XKR6: variants seen among roughly 807,000 people sequenced by gnomAD.
XKR6 encodes the protein XK-related protein 6.
In XKR6, 22 loss-of-function variants were observed where a neutral mutation model predicts 56.7. The observed-to-expected ratio is 0.39, with a 90% CI of 0.28 to 0.55. The LOEUF (loss-of-function observed/expected upper bound fraction) is 0.55, where lower values mean the gene tolerates loss of function less well. Among genes scored for constraint, XKR6 ranks in the 20% least tolerant of loss-of-function variants. The pLI, the probability that XKR6 is intolerant of heterozygous loss-of-function variation, is 0.66. For synonymous variants in XKR6, 524 were observed against 387.8 expected (o/e 1.35, Z -4.13); for missense variants, 852 against 889.0 (o/e 0.96, Z 0.53).
At position 10,947,459 on chromosome 8, in the gene XKR6, G is replaced by C. The variant is rs540842297; in HGVS notation, c.765-22629C>G. Among the ~76,000 whole-genome samples the C allele has an allele frequency of 3.9e-4, 60 of 152,210 alleles. No individual in the cohort carries two copies. The South Asian group carries it at 4.8e-3, about 12-fold the overall frequency. On this transcript the variant is annotated intron_variant, in intron 1 of 2. Coordinates refer to ENST00000416569, the MANE Select transcript of XKR6 (RefSeq NM_173683.4). ...TGGGGGCATGGTTGGGGTCACCCTG[G>C]GGGATCGAGGGAGAGCAGCCCAGGA...
intron 1 of XKR6, among the ~76,000 whole-genome samples, chr8:10,950,939 G>C (rs1801699873): frequency 6.6e-6 from 1 of 152,232 alleles, no homozygotes; most frequent in Non-Finnish European, 1.5e-5. Flanking sequence ...GAGACGGCGA[G>C]TTACTTGCCC....
intron 1 of XKR6, among the ~76,000 whole-genome samples, chr8:11,075,728 C>A (rs1356121828): frequency 6.6e-6 from 1 of 152,134 alleles, no homozygotes; most frequent in African/African-American, 2.4e-5. Flanking sequence ...CAAAAATTAG[C>A]TGGGTGTGGT....
intron 1 of XKR6, chr8:11,062,824 A>G (rs564489439): frequency 2.2e-6 from 1 of 456,280 alleles, no homozygotes; most frequent in East Asian, 6.9e-5. Context: ...CTCGGCAATC[A>G]GCGTGGCCGT....
At chr8:11,112,417 G>C (rs1237524682) in intron 1 of XKR6, among the ~76,000 whole-genome samples, 1 of 145,142 alleles carries the variant, frequency 6.9e-6, no homozygotes, top group Non-Finnish European at 1.5e-5. Context: ...TTTTGAAAAA[G>C]AAAAAAAAAC....
At chr8:11,009,349 A>T (rs1272123257) in intron 1 of XKR6, among the ~76,000 whole-genome samples, 1 of 152,140 alleles carries the variant, frequency 6.6e-6, no homozygotes, top group Non-Finnish European at 1.5e-5. Flanking sequence ...TGTCTTTACA[A>T]AAAATACAAA....
chr8:11,168,063 A>T (rs548006348), intron 1 of XKR6, among the ~76,000 whole-genome samples: 7 of 152,204 alleles, frequency 4.6e-5, no homozygotes, highest in Non-Finnish European at 8.8e-5. Flanking sequence ...CAACAAAAAA[A>T]GCAAACCTCG....
intron 2 of XKR6, among the ~76,000 whole-genome samples, chr8:10,922,138 G>C (rs1036147638): frequency 6.6e-6 from 1 of 152,238 alleles, no homozygotes; most frequent in Non-Finnish European, 1.5e-5. Flanking sequence ...AGAACTGGGA[G>C]AAAATAAATC....
At chr8:11,090,020 A>C (rs1798013833) in intron 1 of XKR6, among the ~76,000 whole-genome samples, 1 of 152,220 alleles carries the variant, frequency 6.6e-6, no homozygotes, top group Non-Finnish European at 1.5e-5. Flanking sequence ...GATGACACAA[A>C]TGTGGCTTTA....
rs200086321 is a variant in XKR6, at chr8:10,898,214, G to A, written c.1664C>T (p.Thr555Met). ...RAVTEQQEDL[T>M]ADTCLPVFQV... ...GAAAACAGGCAAGCAAGTGTCAGCC[G>A]TGAGATCCTCCTGTTGTTCCGTTAC... The change falls in exon 3 of 3, where the codon ACG (threonine) becomes ATG (methionine). Residue 555 changes from threonine to methionine, a missense_variant. By Grantham distance (81) the Thr-to-Met change is moderately conservative. Coordinates refer to ENST00000416569, the MANE Select transcript of XKR6 (RefSeq NM_173683.4). This position sits in a 1 kb window ranked among gnomAD's most constrained non-coding sequence, Gnocchi z 6.6. 1.0e-4 allele frequency: 165 copies of A among 1,614,150 alleles called. 1 individual carries two copies. The Middle Eastern group carries it at 1.2e-3, about 11-fold the overall frequency.
chr8:11,061,930 T>C (rs1030493445), intron 1 of XKR6, among the ~76,000 whole-genome samples: 1 of 152,202 alleles, frequency 6.6e-6, no homozygotes, highest in Non-Finnish European at 1.5e-5. Context: ...TTAGCTTCCC[T>C]GCCTGTGTCC....
At chr8:11,093,342 A>G (rs1373816618) in intron 1 of XKR6, among the ~76,000 whole-genome samples, 1 of 152,202 alleles carries the variant, frequency 6.6e-6, no homozygotes, top group African/African-American at 2.4e-5. Context: ...GGAGTGAGCC[A>G]CCACGCCCAG....
At chr8:11,073,895 CTCAGTGGGCTGGG>C (rs1800198420) in intron 1 of XKR6, among the ~76,000 whole-genome samples, 1 of 152,132 alleles carries the variant, frequency 6.6e-6, no homozygotes, top group African/African-American at 2.4e-5. Flanking sequence ...TCCCTACCCA[CTCAGTGGGCTGGG>C]AGTCCAGGCA....
intron 1 of XKR6, among the ~76,000 whole-genome samples, chr8:11,058,377 A>T (rs556912655): frequency 2.0e-5 from 3 of 152,270 alleles, no homozygotes; most frequent in Non-Finnish European, 4.4e-5. Context: ...ATGCACACGT[A>T]TGTTTATTGC....
intron 1 of XKR6, among the ~76,000 whole-genome samples, chr8:10,998,212 G>A (rs537811183): frequency 2.0e-5 from 3 of 151,916 alleles, no homozygotes; most frequent in African/African-American, 7.2e-5. Flanking sequence ...CTTGCACAAG[G>A]CATTCCCAAG....
chr8:11,118,382 G>A (rs750508559), intron 1 of XKR6, among the ~76,000 whole-genome samples: 98 of 152,300 alleles, frequency 6.4e-4, no homozygotes, highest in Non-Finnish European at 1.1e-3. Flanking sequence ...CAGAAGGAAT[G>A]GTACCAGCTC....
intron 1 of XKR6, among the ~76,000 whole-genome samples, chr8:11,100,203 C>T (rs554995007): frequency 6.6e-6 from 1 of 152,224 alleles, no homozygotes; most frequent in East Asian, 1.9e-4. Context: ...CAGGCATAAG[C>T]CATCATGCCG....
At chr8:10,992,884 G>A (rs1374886087) in intron 1 of XKR6, among the ~76,000 whole-genome samples, 1 of 152,192 alleles carries the variant, frequency 6.6e-6, no homozygotes, top group Non-Finnish European at 1.5e-5. Flanking sequence ...CGAAGTTCCC[G>A]AATGGTGCTA....
chr8:11,044,175 G>A (rs542678109), intron 1 of XKR6, among the ~76,000 whole-genome samples: 1 of 152,312 alleles, frequency 6.6e-6, no homozygotes, highest in African/African-American at 2.4e-5. Flanking sequence ...CAGAGGCTGA[G>A]CACTGAGGGC....
intron 1 of XKR6, among the ~76,000 whole-genome samples, chr8:11,081,794 G>C (rs11991121): frequency 0.22 from 34,063 of 152,206 alleles, 4,304 homozygotes; most frequent in African/African-American, 0.33. Flanking sequence ...TATTCTGCAA[G>C]TGTTCATTAG....
Sources: gnomAD v4.1 joint callset for allele counts (sites outside exome capture counted in the v4.1 genomes callset) on GRCh38, gnomAD v4.1.1 for gene constraint, Gnocchi (gnomAD v3.1) non-coding constraint, MANE v1.5 for transcripts, NCBI Gene and HGNC (gene_info 2026-07-23, HGNC 2026-07-21) for gene names.